Variants in GABRB1 observed in about 807,000 individuals in gnomAD.
The protein encoded by GABRB1 is gamma-aminobutyric acid type A receptor subunit beta1, also known as gamma-aminobutyric acid receptor subunit beta-1.
A neutral mutation model predicts 51.6 loss-of-function variants in GABRB1; 17 were observed. The observed-to-expected ratio is 0.33, with a 90% CI of 0.23 to 0.49. The LOEUF (loss-of-function observed/expected upper bound fraction) is 0.49. Ranked by LOEUF, GABRB1 falls within the 20% of genes least tolerant of loss-of-function variation. The probability of loss-of-function intolerance (pLI) is 0.99; values close to 1 mark genes in which losing one functional copy is unlikely to be tolerated. For synonymous variants in GABRB1, 247 were observed against 218.9 expected, an observed-to-expected ratio of 1.13 and a Z score of -1.14; for missense variants, 410 against 600.6, an observed-to-expected ratio of 0.68 and a Z score of 3.32.
chr4:47,006,801 C>A (rs1186348968), intron 1 of GABRB1, among the ~76,000 whole-genome samples: 1 of 152,094 alleles, frequency 6.6e-6, no homozygotes, highest in East Asian at 1.9e-4. Context: ...GTAAATGCTG[C>A]AATTAAAGAT....
At chr4:47,194,313 C>T (rs776714904) in intron 4 of GABRB1, among the ~76,000 whole-genome samples, 1 of 152,120 alleles carries the variant, frequency 6.6e-6, no homozygotes, top group East Asian at 1.9e-4. Flanking sequence ...CAATAATATA[C>T]ATACTCTTTT....
chr4:47,090,945 C>T (rs1443258017), intron 3 of GABRB1, among the ~76,000 whole-genome samples: 1 of 152,154 alleles, frequency 6.6e-6, no homozygotes, highest in African/African-American at 2.4e-5. Flanking sequence ...GAAGAATATA[C>T]ACTTCTTATA....
chr4:47,322,687 T>C (rs1324555446), intron 5 of GABRB1, among the ~76,000 whole-genome samples: 1 of 152,056 alleles, frequency 6.6e-6, no homozygotes, highest in African/African-American at 2.4e-5. Flanking sequence ...ATTAGAAGTA[T>C]AGGTTTGTCA....
chr4:47,013,139 C>CTGTGTGTGTGTGTG lies in GABRB1; in HGVS notation c.-19-18763_-19-18750dup, dbSNP rs59902564. The stretch of plus-strand genomic sequence containing the variant: ...GTGCATTAGACCAACAAATTGCATT[C>CTGTGTGTGTGTGTG]TGTGTGTGTGTGTGTGTGTGTGTGT... On this transcript the variant is annotated intron_variant, in intron 1 of 3. Coordinates refer to the GABRB1 transcript ENST00000513567. 3.4e-3 allele frequency among the ~76,000 whole-genome samples: 508 copies of CTGTGTGTGTGTGTG among 149,108 alleles called. 1 individual carries two copies. Among genetic ancestry groups the CTGTGTGTGTGTGTG allele is most frequent in the African/African-American group, 0.012 (476 of 40,676 alleles).
intron 4 of GABRB1, among the ~76,000 whole-genome samples, chr4:47,202,835 A>G (rs749589692): frequency 3.3e-5 from 5 of 152,136 alleles, no homozygotes; most frequent in Non-Finnish European, 7.4e-5. Context: ...TGAGTTGACC[A>G]CCCAAGAAAC....
intron 1 of GABRB1, among the ~76,000 whole-genome samples, chr4:47,011,560 C>T (rs556390026): frequency 1.3e-5 from 2 of 152,086 alleles, no homozygotes; most frequent in Non-Finnish European, 2.9e-5. Flanking sequence ...CCAAGCTGCT[C>T]CCAAAGAGAT....
chr4:47,262,840 G>A (rs181092758), intron 4 of GABRB1, among the ~76,000 whole-genome samples: 5,323 of 151,898 alleles, frequency 0.035, 315 homozygotes, highest in African/African-American at 0.12. Flanking sequence ...TGGCACATAT[G>A]CACCATGGAA....
At chr4:47,404,740 T>C (rs2110053100) in intron 7 of GABRB1, among the ~76,000 whole-genome samples, 1 of 152,296 alleles carries the variant, frequency 6.6e-6, no homozygotes, top group Middle Eastern at 3.4e-3. Context: ...AAACAAATAA[T>C]AGTATCTATC....
chr4:47,011,752 A>G (rs1039931509), intron 1 of GABRB1, among the ~76,000 whole-genome samples: 6 of 152,178 alleles, frequency 3.9e-5, no homozygotes, highest in African/African-American at 1.2e-4. Context: ...TCCCCTTTTC[A>G]AGCTTTAAGA....
intron 3 of GABRB1, among the ~76,000 whole-genome samples, chr4:47,130,742 A>C (rs1716376696): frequency 6.6e-6 from 1 of 152,214 alleles, no homozygotes; most frequent in Non-Finnish European, 1.5e-5. Flanking sequence ...CAGGGATCTC[A>C]TAACCTCCAA....
intron 3 of GABRB1, among the ~76,000 whole-genome samples, chr4:47,033,692 A>G (rs942214589): frequency 1.3e-5 from 2 of 152,116 alleles, no homozygotes; most frequent in African/African-American, 2.4e-5. Context: ...AGGTTATGTT[A>G]GGGTCGAAAT....
chr4:47,071,805 A>G (rs887993986), intron 3 of GABRB1, among the ~76,000 whole-genome samples: 4 of 152,012 alleles, frequency 2.6e-5, no homozygotes, highest in African/African-American at 9.7e-5. Flanking sequence ...ACTCTTTTCC[A>G]TTGTTTATAA....
At chr4:47,304,084 C>T (rs1006690250) in intron 4 of GABRB1, among the ~76,000 whole-genome samples, 10 of 152,110 alleles carry the variant, frequency 6.6e-5, no homozygotes, top group African/African-American at 2.2e-4. Flanking sequence ...TAGTTGATTC[C>T]ATATCCTTGC....
intron 4 of GABRB1, among the ~76,000 whole-genome samples, chr4:47,272,347 C>A (rs1722905445): frequency 6.6e-6 from 1 of 152,056 alleles, no homozygotes; most frequent in Admixed American, 6.6e-5. Flanking sequence ...AAAATGTAGT[C>A]TAAAAATACT....
chr4:46,996,604 A>G (rs1724006466), intron 1 of GABRB1, among the ~76,000 whole-genome samples: 1 of 152,190 alleles, frequency 6.6e-6, no homozygotes. Context: ...TTTTAATATA[A>G]AAGATAACTC....
Position 47,117,734 on chromosome 4 carries a change from T to A in GABRB1, c.241-43515T>A, listed in dbSNP as rs570945362. Among the ~76,000 whole-genome samples the A allele has an allele frequency of 2.6e-4, 39 of 152,326 alleles. No homozygotes were observed. In the East Asian group the frequency reaches 6.9e-3, roughly 27 times the overall value. On this transcript the variant is annotated intron_variant, in intron 3 of 8. Transcript: ENST00000295454. ...AAATACTGTTGAATTTCAAAATATC[T>A]TTTTATATAATAAAGGTTGGTTATG...
rs1297344410 is a variant in GABRB1 at position 47,031,928 on chromosome 4, G to C, written c.95G>C (p.Ser32Thr). ...VCCAHSTNEP[S>T]NMSYVKETVD... ...CTTCCCCTTAGCACCAATGAACCCA[G>C]CAACATGTCATACGTGAAAGAGACA... The change falls in exon 2 of 9, where the codon AGC becomes ACC. Residue 32 changes from serine to threonine, a missense_variant. By Grantham distance (58) the Ser-to-Thr change is moderately conservative. Coordinates refer to ENST00000295454, the MANE Select transcript of GABRB1 (RefSeq NM_000812.4). The C allele has an allele frequency of 1.2e-6, 2 of 1,613,946 alleles. No individual in the cohort carries two copies. Among genetic ancestry groups the C allele is most frequent in the Admixed American group, 3.3e-5 (2 of 60,002 alleles).
chr4:47,164,207 T>G (rs1357017664), intron 4 of GABRB1, among the ~76,000 whole-genome samples: 1 of 152,028 alleles, frequency 6.6e-6, no homozygotes, highest in African/African-American at 2.4e-5. Flanking sequence ...AGATGAGATT[T>G]GGGTGCAGGA....
intron 5 of GABRB1, among the ~76,000 whole-genome samples, chr4:47,342,250 A>G (rs1372217766): frequency 1.3e-5 from 2 of 152,198 alleles, no homozygotes; most frequent in African/African-American, 4.8e-5. Flanking sequence ...TGGAAACTTA[A>G]AACTACTTAA....
Sources: gnomAD v4.1 joint callset for allele counts (sites outside exome capture counted in the v4.1 genomes callset) on GRCh38, gnomAD v4.1.1 for gene constraint, MANE v1.5 for transcripts, NCBI Gene and HGNC (gene_info 2026-07-23, HGNC 2026-07-21) for gene names.